GPATCH8: variants seen among roughly 807,000 people sequenced by gnomAD.
GPATCH8 encodes G patch domain-containing protein 8.
GPATCH8 carries 18 observed loss-of-function variants against 118.3 expected under a neutral mutation model. That is an observed-to-expected ratio of 0.15 (90% CI 0.11 to 0.23). The LOEUF (loss-of-function observed/expected upper bound fraction) is 0.23, where lower values mean the gene tolerates loss of function less well. Among genes scored for constraint, GPATCH8 ranks in the 10% least tolerant of loss-of-function variants. GPATCH8 has a pLI of 1.00. For missense variants in GPATCH8, 1,631 were observed against 1,873.8 expected (o/e 0.87, Z 2.39); for synonymous variants, 659 against 684.7 (o/e 0.96, Z 0.59).
rs551086956 is a variant in GPATCH8, at chr17:44,475,780, C to A, written c.46-877G>T. ...GTGGCTCACACCTGTAATCCCAGCA[C>A]TTTGGGAGGCTGAGGCGGGAAGATC... On this transcript the variant is annotated intron_variant, in intron 1 of 7. Transcript: ENST00000591680. Among the ~76,000 whole-genome samples, 5 of 152,132 alleles carry A rather than the reference C, an allele frequency of 3.3e-5. No homozygotes were observed. In the East Asian group the frequency reaches 9.7e-4, roughly 29 times the overall value.
At chr17:44,451,842 G>A (rs2051121761) in intron 3 of GPATCH8, among the ~76,000 whole-genome samples, 1 of 152,134 alleles carries the variant, frequency 6.6e-6, no homozygotes, top group East Asian at 1.9e-4. Context: ...CAATTCGGTG[G>A]CACTGGTATT....
chr17:44,395,843 C>A lies in GPATCH8; in HGVS notation c.*1725G>T, dbSNP rs931744985. ...AAAATGCCAAAGTGGGAATTGTTAA[C>A]CTCATCAAAGGAGATGGGACCTGCA... On this transcript the variant is annotated 3_prime_UTR_variant, in exon 8 of 8. Coordinates refer to ENST00000591680, the MANE Select transcript of GPATCH8 (RefSeq NM_001002909.4). 1 of 453,978 alleles carries A rather than the reference C, an allele frequency of 2.2e-6. No homozygotes were observed. Among genetic ancestry groups the A allele is most frequent in the Non-Finnish European group, 4.4e-6 (1 of 226,798 alleles). 28.1% of individuals were successfully genotyped at this position (453,978 alleles called of 1,614,324 possible). A position where few individuals can be genotyped will look rare whatever the true frequency, so the allele number is the denominator to read the frequency against.
At chr17:44,487,922 C>CTTTTT (rs1243028763) in intron 1 of GPATCH8, among the ~76,000 whole-genome samples, 1 of 135,956 alleles carries the variant, frequency 7.4e-6, no homozygotes, top group Non-Finnish European at 1.6e-5. Context: ...AACCAATTAG[C>CTTTTT]TTTTTTTTTT....
chr17:44,397,922 G>C lies in GPATCH8; in HGVS notation c.4155C>G (p.Ala1385=), dbSNP rs142200749. 1 of 1,612,598 alleles carries C rather than the reference G, an allele frequency of 6.2e-7. No individual in the cohort carries two copies. The highest frequency in any genetic ancestry group is 1.3e-5 in the African/African-American group (1 of 74,880). The change falls in exon 8 of 8, where the codon GCC becomes GCG. Residue 1385 remains alanine, a synonymous_variant. Transcript: ENST00000591680. ...GAATGCCGATGGCGGCAGCAGCTGC[G>C]GCAGCATGATGTTGTAGGATGGCAT... ...VQHAILQHHA[A]AAAAAIGIHP... is the part of the protein sequence containing the mutation.
At chr17:44,409,128 G>C (rs1197231118) in intron 6 of GPATCH8, 2 of 152,126 alleles carry the variant, frequency 1.3e-5, no homozygotes, top group African/African-American at 4.8e-5. Context: ...TTCCACTACT[G>C]ATCAGCATGG....
intron 6 of GPATCH8, among the ~76,000 whole-genome samples, chr17:44,406,769 C>G (rs1363031755): frequency 6.6e-6 from 1 of 152,042 alleles, no homozygotes; most frequent in Non-Finnish European, 1.5e-5. Flanking sequence ...AGAGATAAGT[C>G]AAAGATTTTA....
intron 3 of GPATCH8, among the ~76,000 whole-genome samples, chr17:44,447,619 C>CTT (rs79158339): frequency 1.4e-5 from 2 of 141,598 alleles, no homozygotes. Context: ...TTATCACCAC[C>CTT]TTTTTTTTTT....
intron 3 of GPATCH8, among the ~76,000 whole-genome samples, chr17:44,451,667 C>T (rs2051115457): frequency 6.6e-6 from 1 of 152,106 alleles, no homozygotes; most frequent in South Asian, 2.1e-4. Context: ...ATTTCCATCC[C>T]TAAATATTTG....
intron 2 of GPATCH8, chr17:44,473,838 C>T (rs1967508704): frequency 6.6e-6 from 1 of 152,198 alleles, no homozygotes; most frequent in Admixed American, 6.5e-5. Context: ...ACACACACAA[C>T]ACCAACCTAA....
At position 44,398,419 on chromosome 17, in the gene GPATCH8, G is replaced by T; in HGVS notation, c.3658C>A (p.Pro1220Thr). 1 of 1,613,904 alleles carries T rather than the reference G, an allele frequency of 6.2e-7. No homozygotes were observed. Among genetic ancestry groups the T allele is most frequent in the Non-Finnish European group, 8.5e-7 (1 of 1,179,872 alleles). The change falls in exon 8 of 8, where the codon CCT becomes ACT. Residue 1220 changes from proline (P) to threonine (T), a missense_variant. Around this residue, in one of 8 missense-constraint regions of GPATCH8, gnomAD observed 922 missense variants for 879.7 expected, o/e 1.05. Coordinates refer to ENST00000591680, the MANE Select transcript of GPATCH8 (RefSeq NM_001002909.4). ...GCTGGGGTGCCTAGTGGAGCCACAG[G>T]GTGATCAGCAGTAGCTTCTCCAGAC... ...SKSGEATADH[P>T]VAPLGTPAHS...
intron 5 of GPATCH8, among the ~76,000 whole-genome samples, chr17:44,433,876 C>T (rs969906676): frequency 7.2e-5 from 11 of 152,102 alleles, no homozygotes; most frequent in Admixed American, 2.0e-4. Flanking sequence ...CAGTGGCTCA[C>T]GCCTGTAATC....
In GPATCH8 at chr17:44,399,508, C is replaced by G; in HGVS notation, c.2569G>C (p.Gly857Arg). The G allele has an allele frequency of 6.2e-7, 1 of 1,614,156 alleles. No homozygotes were observed. The highest frequency in any genetic ancestry group is 2.2e-5 in the East Asian group (1 of 44,876). ...SEHSRSRSRS[G>R]RRHSSHRSSR... is the part of the protein sequence containing the mutation. ...GAACGATGCGAGGAATGGCGCCGGC[C>G]AGACCTTGAGCGGCTGCGGGAATGC... is the stretch of plus-strand genomic sequence containing the variant. Residue 857 changes from glycine (G) to arginine (R), a missense_variant, in exon 8 of 8, where the codon GGC (glycine) becomes CGC (arginine). Gly to Arg is a moderately radical substitution (Grantham distance 125, BLOSUM62 -2). Around this residue, in one of 8 missense-constraint regions of GPATCH8, gnomAD observed 922 missense variants for 879.7 expected, o/e 1.05. Transcript: ENST00000591680.
At chr17:44,495,256 C>G (rs928836781) in intron 1 of GPATCH8, among the ~76,000 whole-genome samples, 1 of 152,118 alleles carries the variant, frequency 6.6e-6, no homozygotes. Flanking sequence ...ATTGCTTGAA[C>G]CCAGGAGGTG....
intron 1 of GPATCH8, among the ~76,000 whole-genome samples, chr17:44,502,066 G>A (rs1970108950): frequency 1.3e-5 from 2 of 152,106 alleles, no homozygotes; most frequent in Non-Finnish European, 2.9e-5. Context: ...GCAGGCGCAT[G>A]ATCACAAGGC....
chr17:44,423,928 T>C (rs1319592344), intron 6 of GPATCH8, among the ~76,000 whole-genome samples: 1 of 152,140 alleles, frequency 6.6e-6, no homozygotes, highest in Non-Finnish European at 1.5e-5. Flanking sequence ...GACTTAATAA[T>C]AGAAAATGGT....
At chr17:44,482,268 G>A (rs1968312676) in intron 1 of GPATCH8, among the ~76,000 whole-genome samples, 1 of 151,872 alleles carries the variant, frequency 6.6e-6, no homozygotes, top group African/African-American at 2.4e-5. Context: ...TACCTAATGC[G>A]TACGGGACTT....
intron 6 of GPATCH8, among the ~76,000 whole-genome samples, chr17:44,407,777 C>T (rs540974789): frequency 1.1e-4 from 17 of 151,984 alleles, no homozygotes; most frequent in Middle Eastern, 3.4e-3. Context: ...ATGCGTTAGC[C>T]TCCCAAGTAG....
Position 44,400,008 on chromosome 17 carries a change from T to A in GPATCH8, c.2069A>T (p.Lys690Ile). The A allele has an allele frequency of 6.2e-7, 1 of 1,614,162 alleles. No homozygotes were observed. The highest frequency in any genetic ancestry group is 8.5e-7 in the Non-Finnish European group (1 of 1,180,028). ...TTTCTCTTCTGTGTCAGCCTTGTGT[T>A]TACGTTTGTGTTTGCTGGATTTTTT... ...KHKKSSKHKRKHKADTEEKSS... is the reference protein window; with the variant it reads ...KHKKSSKHKRIHKADTEEKSS... The change falls in exon 8 of 8, where the codon AAA (lysine) becomes ATA (isoleucine). Residue 690 changes from lysine (K) to isoleucine (I), a missense_variant. Physicochemically the swap from Lys to Ile is moderately radical, Grantham distance 102 (BLOSUM62 -3). Transcript: ENST00000591680.
intron 3 of GPATCH8, among the ~76,000 whole-genome samples, chr17:44,457,547 T>G (rs1181635968): frequency 6.6e-6 from 1 of 152,224 alleles, no homozygotes; most frequent in Non-Finnish European, 1.5e-5. Context: ...TACATGTTAT[T>G]ACATAGGAAG....
Sources: allele counts gnomAD v4.1 joint callset (sites outside exome capture counted in the v4.1 genomes callset), GRCh38; gene constraint gnomAD v4.1.1; regional missense constraint gnomAD v4.1.1; transcripts MANE v1.5; gene names NCBI Gene and HGNC (gene_info 2026-07-23, HGNC 2026-07-21).